SDK1: variants seen among roughly 807,000 people sequenced by gnomAD.
SDK1 encodes the protein sidekick cell adhesion molecule 1.
In SDK1, 157 loss-of-function variants were observed where a neutral mutation model predicts 245.5. The observed-to-expected ratio is 0.64, with a 90% CI of 0.56 to 0.73. SDK1 has a LOEUF of 0.73. SDK1 is among the 30% of genes least tolerant of loss of function. SDK1 has a pLI of 0.00. For synonymous variants in SDK1, 1,647 were observed against 1,278.5 expected (o/e 1.29, Z -6.15); for missense variants, 3,583 against 3,002.3 (o/e 1.19, Z -4.52).
intron 4 of SDK1, among the ~76,000 whole-genome samples, chr7:3,681,588 G>C (rs1437863960): frequency 6.6e-6 from 1 of 152,012 alleles, no homozygotes; most frequent in Admixed American, 6.6e-5. Context: ...AATGTCTTTT[G>C]ACATATCATA....
At chr7:3,461,173 C>G (rs1346890592) in intron 1 of SDK1, among the ~76,000 whole-genome samples, 2 of 152,074 alleles carry the variant, frequency 1.3e-5, no homozygotes, top group African/African-American at 4.8e-5. Flanking sequence ...AGTGTGCAGA[C>G]CCTAGGACCC....
intron 19 of SDK1, among the ~76,000 whole-genome samples, chr7:4,063,481 T>A (rs1302766451): frequency 6.6e-6 from 1 of 151,512 alleles, no homozygotes; most frequent in Non-Finnish European, 1.5e-5. Flanking sequence ...TAGAAAGACA[T>A]CCCATGCTCA....
intron 7 of SDK1, among the ~76,000 whole-genome samples, chr7:3,955,943 A>C (rs1781224454): frequency 6.6e-6 from 1 of 152,184 alleles, no homozygotes; most frequent in South Asian, 2.1e-4. Context: ...CTGCCCCTGG[A>C]GGCAGCTGCC....
At chr7:3,365,069 C>T (rs6978391) in intron 1 of SDK1, among the ~76,000 whole-genome samples, 89,695 of 152,024 alleles carry the variant, frequency 0.59, 26,969 homozygotes, top group South Asian at 0.74. Context: ...AGTGTGTTCA[C>T]TGCTAGCATA....
chr7:3,898,071 A>G (rs1294862974), intron 5 of SDK1, among the ~76,000 whole-genome samples: 1 of 152,184 alleles, frequency 6.6e-6, no homozygotes, highest in Non-Finnish European at 1.5e-5. Flanking sequence ...CGGTATTAGC[A>G]TGAAGCAACT....
At chr7:3,875,025 C>G (rs1297396315) in intron 5 of SDK1, among the ~76,000 whole-genome samples, 1 of 152,120 alleles carries the variant, frequency 6.6e-6, no homozygotes, top group African/African-American at 2.4e-5. Context: ...ATGTCCTGGT[C>G]TGTGGGGCTT....
rs1781517518 is a variant in SDK1 at position 4,166,638 on chromosome 7, A to G, written c.4800+4782A>G. On this transcript the variant is annotated intron_variant, in intron 32 of 44. Transcript: ENST00000404826. ...GGAGAGAATCCCTGTTCTACTCTCC[A>G]CAAAGCAGAAGGCACAGGATGGAAA... is the stretch of plus-strand genomic sequence containing the variant. 2.6e-5 allele frequency among the ~76,000 whole-genome samples: 4 copies of G among 152,236 alleles called. No individual in the cohort carries two copies. In the South Asian group the frequency reaches 8.3e-4, roughly 32 times the overall value.
chr7:3,555,879 C>T (rs1024438703), intron 1 of SDK1, among the ~76,000 whole-genome samples: 6 of 152,234 alleles, frequency 3.9e-5, no homozygotes, highest in Admixed American at 2.0e-4. Flanking sequence ...TCATCTCACT[C>T]CAGTTAAAAT....
At chr7:4,034,159 T>G (rs535831763) in intron 17 of SDK1, among the ~76,000 whole-genome samples, 1 of 152,180 alleles carries the variant, frequency 6.6e-6, no homozygotes, top group African/African-American at 2.4e-5. Flanking sequence ...GGACTCAAAC[T>G]AGGAACATAT....
chr7:3,609,845 C>T (rs1198754358), intron 1 of SDK1, among the ~76,000 whole-genome samples: 3 of 151,998 alleles, frequency 2.0e-5, no homozygotes, highest in Non-Finnish European at 2.9e-5. Flanking sequence ...GGACCACACG[C>T]ACACACCATC....
intron 1 of SDK1, among the ~76,000 whole-genome samples, chr7:3,510,076 A>T (rs1162799552): frequency 6.6e-6 from 1 of 152,156 alleles, no homozygotes; most frequent in African/African-American, 2.4e-5. Flanking sequence ...GGGCTCCCTT[A>T]TTCTCTTGTT....
chr7:4,222,137 G>T (rs77598234), intron 40 of SDK1, among the ~76,000 whole-genome samples: 1,595 of 152,228 alleles, frequency 0.01, 30 homozygotes, highest in African/African-American at 0.037. Flanking sequence ...GCAGGACCAC[G>T]GTGCTAGGAA....
chr7:3,608,211 C>T (rs1244620418), intron 1 of SDK1, among the ~76,000 whole-genome samples: 1 of 152,138 alleles, frequency 6.6e-6, no homozygotes, highest in Non-Finnish European at 1.5e-5. Context: ...AGCTTTGACT[C>T]AAATAAAATT....
rs1248903316 is a variant in SDK1, at chr7:4,149,275, C to T, written c.4437C>T (p.Pro1479=). The T allele has an allele frequency of 1.3e-6, 2 of 1,539,612 alleles. No individual in the cohort carries two copies. The highest frequency in any genetic ancestry group is 1.7e-6 in the Non-Finnish European group (2 of 1,143,116). ...ATTTGGTTGCAGAGCGGCCGGCACC[C>T]CCCAGAGAGCTCCTGGTGCCCCAGG... ...ITTEKRERPA[P]PRELLVPQAE... is the part of the protein sequence containing the mutation. The change falls in exon 30 of 45, where the codon CCC becomes CCT. Residue 1479 remains proline, a synonymous_variant. Coordinates refer to ENST00000404826, the MANE Select transcript of SDK1 (RefSeq NM_152744.4).
chr7:4,192,988 A>G (rs1371222814), intron 35 of SDK1, among the ~76,000 whole-genome samples: 2 of 146,600 alleles, frequency 1.4e-5, no homozygotes, highest in African/African-American at 5.0e-5. Flanking sequence ...CAGAACCAAT[A>G]GGCTATATAT....
chr7:3,429,158 G>A (rs895125436), intron 1 of SDK1, among the ~76,000 whole-genome samples: 2 of 152,042 alleles, frequency 1.3e-5, no homozygotes, highest in Non-Finnish European at 2.9e-5. Context: ...AATTGTTCAG[G>A]GTACAAGAGA....
At chr7:3,738,055 G>A (rs1398176617) in intron 4 of SDK1, among the ~76,000 whole-genome samples, 6 of 152,188 alleles carry the variant, frequency 3.9e-5, no homozygotes, top group African/African-American at 1.4e-4. Context: ...GAAAGCTGGG[G>A]ACCTCCTCTT....
At chr7:3,655,449 ATATATATATATAT>A (rs1237664688) in intron 4 of SDK1, among the ~76,000 whole-genome samples, 14 of 4,444 alleles carry the variant, frequency 3.2e-3, no homozygotes, top group Non-Finnish European at 6.0e-3. Context: ...AACAAAACAA[ATATATATATATAT>A]ATATATATAT....
At chr7:3,321,536 A>G (rs142331979) in intron 1 of SDK1, among the ~76,000 whole-genome samples, 104 of 152,326 alleles carry the variant, frequency 6.8e-4, no homozygotes, top group African/African-American at 2.3e-3. Flanking sequence ...GACATGAATG[A>G]CAAGTTGTGT....
Sources: allele counts gnomAD v4.1 joint callset (sites outside exome capture counted in the v4.1 genomes callset), GRCh38; gene constraint gnomAD v4.1.1; transcripts MANE v1.5; gene names NCBI Gene and HGNC (gene_info 2026-07-23, HGNC 2026-07-21).